The following ABCB1 variants were observed in gnomAD, a reference collection of about 807,000 sequenced individuals.
The protein encoded by ABCB1 is ATP binding cassette subfamily B member 1, also known as ATP-dependent translocase ABCB1.
Under a neutral mutation model 142.0 loss-of-function variants are expected in ABCB1, and 69 were observed. The observed-to-expected ratio is 0.49, with a 90% CI of 0.40 to 0.59. The LOEUF (loss-of-function observed/expected upper bound fraction) is 0.59. Ranked by LOEUF, ABCB1 falls within the 20% of genes least tolerant of loss-of-function variation. The probability of loss-of-function intolerance (pLI) is 0.00; values close to 1 mark genes in which losing one functional copy is unlikely to be tolerated. For missense variants in ABCB1, 1,326 were observed against 1,554.7 expected (o/e 0.85, Z 2.47); for synonymous variants, 532 against 539.2 (o/e 0.99, Z 0.18).
intron 19 of ABCB1, 151 bp downstream of exon 19, chr7:87,539,117 G>C: frequency 1.3e-6 from 1 of 794,614 alleles, no homozygotes; most frequent in Non-Finnish European, 2.1e-6. Flanking sequence ...GTGCCTAGTG[G>C]GCGGTTCAAC....
rs1197036595 is a variant in ABCB1, at chr7:87,648,575, TGAG to T, written c.-330-47500_-330-47498del. ...TACACTATATCTTAAGTTGTATAAA[TGAG>T]AAGAATGAGGCAAGCACTGTTCAGA... On this transcript the variant is annotated intron_variant, in intron 1 of 28. Coordinates refer to the ABCB1 transcript ENST00000265724. 4.6e-5 allele frequency among the ~76,000 whole-genome samples: 7 copies of T among 151,950 alleles called. No individual in the cohort carries two copies. The East Asian group carries it at 1.4e-3, about 29-fold the overall frequency.
intron 1 of ABCB1, among the ~76,000 whole-genome samples, chr7:87,651,998 A>T (rs1266887172): frequency 6.6e-6 from 1 of 152,088 alleles, no homozygotes; most frequent in African/African-American, 2.4e-5. Flanking sequence ...TCTGCCATTA[A>T]TGTTACCTTT....
intron 1 of ABCB1, among the ~76,000 whole-genome samples, chr7:87,623,168 T>C (rs1306694586): frequency 3.9e-5 from 6 of 152,336 alleles, no homozygotes; most frequent in African/African-American, 1.4e-4. Context: ...TGTTTCCTTG[T>C]TTGTAAATGG....
chr7:87,519,882 A>T (rs1815418150), intron 22 of ABCB1, among the ~76,000 whole-genome samples: 1 of 152,226 alleles, frequency 6.6e-6, no homozygotes, highest in African/African-American at 2.4e-5. Flanking sequence ...ATGGGTTGAC[A>T]TAGAGGAAAC....
intron 8 of ABCB1, among the ~76,000 whole-genome samples, chr7:87,559,557 T>C (rs1331285854): frequency 1.3e-5 from 2 of 152,158 alleles, no homozygotes; most frequent in Non-Finnish European, 2.9e-5. Flanking sequence ...TTTTTGCTCT[T>C]ACCCTTATTA....
At chr7:87,644,848 TAAAG>T (rs1822822923) in intron 1 of ABCB1, among the ~76,000 whole-genome samples, 2 of 151,900 alleles carry the variant, frequency 1.3e-5, no homozygotes. Context: ...CTATAGACAT[TAAAG>T]AAAATTATTT....
chr7:87,531,639 T>C, intron 20 of ABCB1, 142 bp from the exon 21 acceptor site: 1 of 735,754 alleles, frequency 1.4e-6, no homozygotes, highest in Non-Finnish European at 2.2e-6. Flanking sequence ...TACTTGTAAG[T>C]TTATTGAGTT....
chr7:87,708,495 C>A (rs1829799268), intron 1 of ABCB1, among the ~76,000 whole-genome samples: 2 of 152,062 alleles, frequency 1.3e-5, no homozygotes, highest in African/African-American at 2.4e-5. Context: ...GAAATGTAAT[C>A]TATAGTTAAA....
Position 87,550,152 on chromosome 7 carries a change from C to A in ABCB1, c.1350+19G>T, listed in dbSNP as rs773101894. The A allele has an allele frequency of 6.2e-7, 1 of 1,614,154 alleles. No individual in the cohort carries two copies. The highest frequency in any genetic ancestry group is 1.1e-5 in the South Asian group (1 of 91,084). On this transcript the variant is annotated intron_variant, in intron 12 of 27. Transcript: ENST00000622132. ...GACTGCTGATCACCGCAGGGTCTAG[C>A]TCGCATGGGTCATCTCACCATCCCC...
intron 1 of ABCB1, among the ~76,000 whole-genome samples, chr7:87,703,680 AT>A (rs201768076): frequency 0.014 from 2,060 of 151,906 alleles, 49 homozygotes; most frequent in African/African-American, 0.047. Context: ...TTTTAATTAA[AT>A]TTTTCCCTCA....
chr7:87,610,180 T>C (rs1276895805), intron 1 of ABCB1, among the ~76,000 whole-genome samples: 1 of 151,982 alleles, frequency 6.6e-6, no homozygotes, highest in Non-Finnish European at 1.5e-5. Flanking sequence ...TTTCTTCTAA[T>C]TGGCAACAAG....
chr7:87,646,277 C>T (rs1822992539), intron 1 of ABCB1, among the ~76,000 whole-genome samples: 1 of 152,038 alleles, frequency 6.6e-6, no homozygotes, highest in Non-Finnish European at 1.5e-5. Context: ...GCACTAATAG[C>T]CATGGCTTTT....
intron 8 of ABCB1, among the ~76,000 whole-genome samples, chr7:87,557,776 G>A (rs1584878686): frequency 6.6e-6 from 1 of 152,134 alleles, no homozygotes; most frequent in African/African-American, 2.4e-5. Flanking sequence ...CTCCCACAAT[G>A]TCCATTTCCT....
chr7:87,702,210 AT>A (rs1197279786), intron 1 of ABCB1, among the ~76,000 whole-genome samples: 5 of 150,460 alleles, frequency 3.3e-5, no homozygotes, highest in Admixed American at 3.3e-4. Context: ...TTTAGGAAAA[AT>A]AGTTATTTTT....
chr7:87,702,032 A>G (rs1043857790), intron 1 of ABCB1, among the ~76,000 whole-genome samples: 2 of 150,256 alleles, frequency 1.3e-5, no homozygotes, highest in Admixed American at 1.3e-4. Flanking sequence ...AATCCCAGCT[A>G]CTTGGGAGGC....
chr7:87,566,926 T>C lies in ABCB1; in HGVS notation c.389A>G (p.Tyr130Cys), dbSNP rs1817807549. 6.2e-7 allele frequency: 1 copy of C among 1,614,056 alleles called. No homozygotes were observed. The highest frequency in any genetic ancestry group is 1.7e-5 in the Admixed American group (1 of 59,994). The change falls in exon 6 of 28, where the codon TAC becomes TGC. Residue 130 changes from tyrosine (Y) to cysteine (C), a missense_variant. Physicochemically the swap from Tyr to Cys is radical, Grantham distance 194. Transcript: ENST00000622132. ...CAGGCACCAAAATGAAACCTGAATG[T>C]AAGCAGCAACCAGCACCCCAGCACC... Reference protein sequence around the residue: ...GIGAGVLVAAYIQVSFWCLAA... With the variant: ...GIGAGVLVAACIQVSFWCLAA...
intron 1 of ABCB1, among the ~76,000 whole-genome samples, chr7:87,628,182 G>T (rs867331291): frequency 6.6e-6 from 1 of 152,188 alleles, no homozygotes; most frequent in Admixed American, 6.5e-5. Flanking sequence ...CCCGCGGCTA[G>T]CCTGTGTGGC....
chr7:87,669,613 T>C (rs745638290), intron 1 of ABCB1, among the ~76,000 whole-genome samples: 7 of 152,218 alleles, frequency 4.6e-5, no homozygotes, highest in Non-Finnish European at 8.8e-5. Flanking sequence ...CTGGTATTGG[T>C]CTTTCCTTTC....
At chr7:87,545,096 T>A in intron 15 of ABCB1, 97 bp from the exon 16 acceptor site, 1 of 1,124,450 alleles carries the variant, frequency 8.9e-7, no homozygotes, top group South Asian at 1.3e-5. Context: ...AACAGCAATT[T>A]GTTTAGTAAC....
Sources: allele counts gnomAD v4.1 joint callset (sites outside exome capture counted in the v4.1 genomes callset), GRCh38; gene constraint gnomAD v4.1.1; transcripts MANE v1.5; gene names NCBI Gene and HGNC (gene_info 2026-07-23, HGNC 2026-07-21).